RBFOX1: variants seen among roughly 807,000 people sequenced by gnomAD.
The protein encoded by RBFOX1 is RNA binding protein fox-1 homolog 1.
Under a neutral mutation model 57.7 loss-of-function variants are expected in RBFOX1, and 8 were observed. That is an observed-to-expected ratio of 0.14 (90% confidence interval 0.08 to 0.25). The LOEUF (loss-of-function observed/expected upper bound fraction) is 0.25, where lower values mean the gene tolerates loss of function less well. Among genes scored for constraint, RBFOX1 ranks in the 10% least tolerant of loss-of-function variants. The pLI, the probability that RBFOX1 is intolerant of heterozygous loss-of-function variation, is 1.00. For missense variants in RBFOX1, 611 were observed against 548.5 expected (o/e 1.11, Z -1.14); for synonymous variants, 326 against 222.4 (o/e 1.47, Z -4.15).
At chr16:7,294,439 CAT>C (rs2095851995) in intron 4 of RBFOX1, among the ~76,000 whole-genome samples, 1 of 151,122 alleles carries the variant, frequency 6.6e-6, no homozygotes, top group African/African-American at 2.4e-5. Context: ...TCTCTTTTGA[CAT>C]ATGTCAGTTG....
At chr16:6,351,933 G>A (rs1246550157) in intron 2 of RBFOX1, among the ~76,000 whole-genome samples, 1 of 152,164 alleles carries the variant, frequency 6.6e-6, no homozygotes, top group East Asian at 1.9e-4. Flanking sequence ...TACGGGAGAT[G>A]CTGTAACTGG....
chr16:6,921,214 C>T (rs1238849342), intron 3 of RBFOX1, among the ~76,000 whole-genome samples: 2 of 152,176 alleles, frequency 1.3e-5, no homozygotes, highest in African/African-American at 4.8e-5. Flanking sequence ...ACAAATTACC[C>T]ACACACATTT....
chr16:7,588,895 G>C (rs1451584762), intron 7 of RBFOX1, among the ~76,000 whole-genome samples: 1 of 152,150 alleles, frequency 6.6e-6, no homozygotes, highest in Non-Finnish European at 1.5e-5. Flanking sequence ...TCCATGGCCA[G>C]AGTGATGTTG....
At chr16:7,225,582 A>C (rs1486503390) in intron 4 of RBFOX1, among the ~76,000 whole-genome samples, 1 of 151,944 alleles carries the variant, frequency 6.6e-6, no homozygotes, top group Non-Finnish European at 1.5e-5. Context: ...ACAGTGGGCC[A>C]TGTGAGATGA....
At chr16:6,186,030 G>A (rs940665906) in intron 1 of RBFOX1, among the ~76,000 whole-genome samples, 1 of 152,148 alleles carries the variant, frequency 6.6e-6, no homozygotes, top group Non-Finnish European at 1.5e-5. Flanking sequence ...ATTCTCCTTG[G>A]ATGTGTGTTT....
rs554053181 is a variant in RBFOX1, at chr16:6,160,091, C to T, written c.-127+140099C>T. Among the ~76,000 whole-genome samples, 158 of 152,230 alleles carry T rather than the reference C, an allele frequency of 1.0e-3. No homozygotes were observed. In the South Asian group the frequency reaches 0.016, roughly 16 times the overall value. ...GGCATTTACTGATACAAAAAAATGC[C>T]AGGCCAGTCTGACATCTTAACCTAA... On this transcript the variant is annotated intron_variant, in intron 1 of 15. Coordinates refer to ENST00000550418, the MANE Select transcript of RBFOX1 (RefSeq NM_018723.4).
chr16:7,316,875 A>G (rs2096451441), intron 4 of RBFOX1, among the ~76,000 whole-genome samples: 1 of 151,922 alleles, frequency 6.6e-6, no homozygotes, highest in Non-Finnish European at 1.5e-5. Context: ...AGAGAGGGGT[A>G]AAGAGACACA....
chr16:5,508,065 C>T (rs1216731169), intron 2 of RBFOX1, among the ~76,000 whole-genome samples: 1 of 152,190 alleles, frequency 6.6e-6, no homozygotes, highest in Non-Finnish European at 1.5e-5. Flanking sequence ...CATGGACAGT[C>T]CCCGGCCCCT....
chr16:5,873,370 A>G (rs2057525494), intron 4 of RBFOX1, among the ~76,000 whole-genome samples: 1 of 152,168 alleles, frequency 6.6e-6, no homozygotes, highest in African/African-American at 2.4e-5. Flanking sequence ...ATCCACTTGA[A>G]GATCAGCAGT....
chr16:5,880,743 AAC>A lies in RBFOX1; in HGVS notation c.351+13410_351+13411del, dbSNP rs556993598. On this transcript the variant is annotated intron_variant, in intron 4 of 19. Transcript: ENST00000641259. ...ACCCCCTTGGACATCTGGGGAGAAC[AAC>A]AGGCCTCCTTGCAGAATAAAGATTT... is the stretch of plus-strand genomic sequence containing the variant. 2.0e-5 allele frequency among the ~76,000 whole-genome samples: 3 copies of A among 152,310 alleles called. No homozygotes were observed. In the East Asian group the frequency reaches 5.8e-4, roughly 29 times the overall value.
intron 5 of RBFOX1, among the ~76,000 whole-genome samples, chr16:7,577,862 T>G (rs2093455333): frequency 6.6e-6 from 1 of 152,212 alleles, no homozygotes; most frequent in South Asian, 2.1e-4. Flanking sequence ...GCCATGGCAT[T>G]CCAGCCTGAG....
intron 3 of RBFOX1, among the ~76,000 whole-genome samples, chr16:5,695,579 T>A (rs2050821287): frequency 6.6e-6 from 1 of 152,192 alleles, no homozygotes; most frequent in Admixed American, 6.5e-5. Flanking sequence ...TTGCTAAAAC[T>A]TGGAAAATCA....
At chr16:7,616,239 T>A (rs927689526) in intron 10 of RBFOX1, among the ~76,000 whole-genome samples, 5 of 152,236 alleles carry the variant, frequency 3.3e-5, no homozygotes, top group Admixed American at 6.5e-5. Flanking sequence ...GAAAAGTACA[T>A]GCAGTGAAGT....
chr16:7,277,867 C>T (rs572588006), intron 4 of RBFOX1, among the ~76,000 whole-genome samples: 2 of 150,794 alleles, frequency 1.3e-5, no homozygotes, highest in African/African-American at 2.4e-5. Flanking sequence ...TGCAGCTCTT[C>T]TAGAGACATT....
intron 1 of RBFOX1, among the ~76,000 whole-genome samples, chr16:6,126,162 C>T (rs2096588173): frequency 6.6e-6 from 1 of 152,164 alleles, no homozygotes; most frequent in Non-Finnish European, 1.5e-5. Context: ...TTAAATACCC[C>T]ATTTGAAATG....
At chr16:6,186,599 A>C (rs1598184081) in intron 1 of RBFOX1, among the ~76,000 whole-genome samples, 2 of 152,218 alleles carry the variant, frequency 1.3e-5, no homozygotes, top group Admixed American at 1.3e-4. Context: ...AGAGATAGGG[A>C]GAGTGTGGCT....
intron 5 of RBFOX1, chr16:7,519,792 A>G (rs529484267): frequency 1.0e-4 from 88 of 861,576 alleles, no homozygotes; most frequent in East Asian, 3.7e-4. Context: ...GCTTTGAAGC[A>G]TGATACATTT....
chr16:7,257,442 A>C (rs2153050651), intron 4 of RBFOX1, among the ~76,000 whole-genome samples: 1 of 152,166 alleles, frequency 6.6e-6, no homozygotes. Context: ...TTGCAAACTG[A>C]AATAGCAGCC....
chr16:5,572,775 A>T (rs1462763866), intron 2 of RBFOX1, among the ~76,000 whole-genome samples: 1 of 152,154 alleles, frequency 6.6e-6, no homozygotes, highest in Non-Finnish European at 1.5e-5. Flanking sequence ...GAGGGAATGT[A>T]CTCTGTGGAT....
Sources: allele counts gnomAD v4.1 joint callset (sites outside exome capture counted in the v4.1 genomes callset), GRCh38; gene constraint gnomAD v4.1.1; transcripts MANE v1.5; gene names NCBI Gene and HGNC (gene_info 2026-07-23, HGNC 2026-07-21).